The following IPO11 variants were observed in gnomAD, a reference collection of about 807,000 sequenced individuals.
The protein encoded by IPO11 is importin-11.
A neutral mutation model predicts 143.2 loss-of-function variants in IPO11; 66 were observed. The observed-to-expected ratio is 0.46, with a 90% CI of 0.38 to 0.57. The LOEUF (loss-of-function observed/expected upper bound fraction) is 0.57, where lower values mean the gene tolerates loss of function less well. IPO11 is among the 20% of genes least tolerant of loss of function. IPO11 has a pLI of 0.00. For synonymous variants in IPO11, 385 were observed against 377.8 expected (o/e 1.02, Z -0.22); for missense variants, 1,026 against 1,141.0 (o/e 0.90, Z 1.45).
chr5:62,574,716 G>A (rs141226615), intron 27 of IPO11, among the ~76,000 whole-genome samples: 1 of 152,158 alleles, frequency 6.6e-6, no homozygotes, highest in Non-Finnish European at 1.5e-5. Flanking sequence ...TCGCAATGAG[G>A]ATGGTACCTA....
rs573971615 is a variant in IPO11, at chr5:62,461,573, C to A, written c.517-5558C>A. On this transcript the variant is annotated intron_variant, in intron 5 of 29. Coordinates refer to ENST00000325324, the MANE Select transcript of IPO11 (RefSeq NM_016338.5). ...TTCATTCCAGCCATTTGTGTAGAGA[C>A]CTTTCGTAGGCTAGCTAGAGAGTCT... 3.3e-5 allele frequency among the ~76,000 whole-genome samples: 5 copies of A among 152,260 alleles called. 1 individual carries two copies. In the South Asian group the frequency reaches 6.2e-4, roughly 19 times the overall value.
At chr5:62,452,945 G>A (rs1744993726) in intron 5 of IPO11, among the ~76,000 whole-genome samples, 1 of 150,208 alleles carries the variant, frequency 6.7e-6, no homozygotes, top group African/African-American at 2.5e-5. Flanking sequence ...TAGAGATGAA[G>A]TCTCACTATG....
Position 62,593,796 on chromosome 5 carries a change from TA to T in IPO11, c.2678+2127del, listed in dbSNP as rs550083043. Among the ~76,000 whole-genome samples, 13 of 152,312 alleles carry T rather than the reference TA, an allele frequency of 8.5e-5. No individual in the cohort carries two copies. The East Asian group carries it at 2.1e-3, about 25-fold the overall frequency. ...TGCATATAGAAACACAGTTGAGAAATAAATTACCAAGAGATACACTTTTCTG... is the reference window on the plus strand; with the variant it reads ...TGCATATAGAAACACAGTTGAGAAATAATTACCAAGAGATACACTTTTCTG... On this transcript the variant is annotated intron_variant, in intron 28 of 29. Coordinates refer to ENST00000325324, the MANE Select transcript of IPO11 (RefSeq NM_016338.5).
At chr5:62,449,498 A>G (rs1179317408) in intron 3 of IPO11, among the ~76,000 whole-genome samples, 1 of 151,918 alleles carries the variant, frequency 6.6e-6, no homozygotes, top group African/African-American at 2.4e-5. Context: ...TTACTTGTAT[A>G]GATTTTTTTT....
At chr5:62,589,562 T>C (rs1744934965) in intron 27 of IPO11, among the ~76,000 whole-genome samples, 1 of 152,206 alleles carries the variant, frequency 6.6e-6, no homozygotes, top group South Asian at 2.1e-4. Flanking sequence ...AACCTACCCC[T>C]TTCTCTTTAT....
chr5:62,508,632 T>C (rs924401779), intron 19 of IPO11, among the ~76,000 whole-genome samples: 2 of 147,828 alleles, frequency 1.4e-5, no homozygotes, highest in Admixed American at 1.3e-4. Context: ...CTCTCTCTCT[T>C]TCTTTCTTTC....
In IPO11 at chr5:62,564,441, T is replaced by C. The variant is rs2112371903; in HGVS notation, c.2582+3184T>C. On this transcript the variant is annotated intron_variant, in intron 27 of 29. Transcript: ENST00000325324. Reference sequence around the variant, plus strand: ...TAGTAATTTCCTATTCTTGCGTTTCTTTTAGATTTTACAGCATACCATTTC... The same window carrying C: ...TAGTAATTTCCTATTCTTGCGTTTCCTTTAGATTTTACAGCATACCATTTC... Among the ~76,000 whole-genome samples, 3 of 152,356 alleles carry C rather than the reference T, an allele frequency of 2.0e-5. No homozygotes were observed. In the Middle Eastern group the frequency reaches 0.01, roughly 518 times the overall value.
intron 28 of IPO11, among the ~76,000 whole-genome samples, chr5:62,594,536 G>A (rs145169107): frequency 1.1e-4 from 17 of 152,298 alleles, no homozygotes; most frequent in African/African-American, 4.1e-4. Flanking sequence ...ACCCACATGG[G>A]GAGGGCAAAC....
intron 27 of IPO11, chr5:62,576,232 A>G (rs1311896713): frequency 1.3e-5 from 2 of 159,066 alleles, no homozygotes; most frequent in African/African-American, 4.8e-5. Context: ...GACCCTGCTT[A>G]TAGCGCAAAA....
intron 28 of IPO11, among the ~76,000 whole-genome samples, chr5:62,595,717 G>A (rs915614789): frequency 6.6e-6 from 1 of 152,060 alleles, no homozygotes; most frequent in South Asian, 2.1e-4. Context: ...TGAAGAATGT[G>A]TTTATTTGTT....
intron 12 of IPO11, among the ~76,000 whole-genome samples, chr5:62,486,891 C>T (rs1036881069): frequency 6.6e-6 from 1 of 152,090 alleles, no homozygotes; most frequent in African/African-American, 2.4e-5. Flanking sequence ...TCTGAGATGA[C>T]ACATCCTCTG....
chr5:62,569,539 G>C (rs1006334839), intron 27 of IPO11, among the ~76,000 whole-genome samples: 2 of 152,180 alleles, frequency 1.3e-5, no homozygotes, highest in African/African-American at 4.8e-5. Context: ...AATACAGCCT[G>C]AGCTGATTTC....
rs368890256 is a variant in IPO11 at position 62,540,005 on chromosome 5, AT to A, written c.2250+2723del. 3.1e-3 allele frequency among the ~76,000 whole-genome samples: 474 copies of A among 152,222 alleles called. 1 individual carries two copies. Among genetic ancestry groups the A allele is most frequent in the African/African-American group, 0.011 (452 of 41,530 alleles). ...CATTTTGATATTATTGTCTTTACAG[AT>A]TTTTTTCTGTATGTATGCCTGTTTT... is the stretch of plus-strand genomic sequence containing the variant. On this transcript the variant is annotated intron_variant, in intron 24 of 29. Coordinates refer to ENST00000325324, the MANE Select transcript of IPO11 (RefSeq NM_016338.5).
chr5:62,437,237 T>C (rs778484786), intron 1 of IPO11, 37 bp from the exon 2 acceptor site: 16 of 1,501,450 alleles, frequency 1.1e-5, no homozygotes, highest in Non-Finnish European at 1.4e-5. Flanking sequence ...TTATTACTTG[T>C]AATACATATT....
intron 26 of IPO11, among the ~76,000 whole-genome samples, chr5:62,554,357 A>G (rs1026142343): frequency 1.3e-5 from 2 of 152,106 alleles, no homozygotes; most frequent in Non-Finnish European, 2.9e-5. Flanking sequence ...TTCCCTGACC[A>G]GAGTCCTGGA....
chr5:62,546,083 C>T (rs1743164729), intron 24 of IPO11, among the ~76,000 whole-genome samples: 1 of 152,170 alleles, frequency 6.6e-6, no homozygotes, highest in African/African-American at 2.4e-5. Context: ...TTTGGCCCAG[C>T]CGTCCCATTA....
intron 16 of IPO11, among the ~76,000 whole-genome samples, chr5:62,501,249 G>T (rs1741338530): frequency 6.6e-6 from 1 of 150,836 alleles, no homozygotes; most frequent in African/African-American, 2.4e-5. Context: ...CCTATCCTTT[G>T]TATCTCAAAA....
At chr5:62,426,113 G>A (rs559011650) in intron 1 of IPO11, among the ~76,000 whole-genome samples, 68 of 152,244 alleles carry the variant, frequency 4.5e-4, no homozygotes, top group African/African-American at 1.5e-3. Flanking sequence ...CCGGCTGGTC[G>A]TGGTGGCTCA....
chr5:62,515,394 C>A lies in IPO11; in HGVS notation c.1789C>A (p.Pro597Thr), dbSNP rs778406842. ...TCTACTTATATTGTAATAGATACGA[C>A]CATATGTGGGATGTTTGGTACAATA... Reference protein sequence around the residue: ...VIERVNMQIRPYVGCLVQYLP... With the variant: ...VIERVNMQIRTYVGCLVQYLP... The change falls in exon 20 of 30, where the codon CCA (proline) becomes ACA (threonine). Residue 597 changes from proline to threonine, a missense_variant. Pro to Thr is a conservative substitution (Grantham distance 38). Transcript: ENST00000325324. 6.2e-7 allele frequency: 1 copy of A among 1,602,958 alleles called. No homozygotes were observed. Among genetic ancestry groups the A allele is most frequent in the Non-Finnish European group, 8.5e-7 (1 of 1,175,924 alleles).
Sources: gnomAD v4.1 joint callset for allele counts (sites outside exome capture counted in the v4.1 genomes callset) on GRCh38, gnomAD v4.1.1 for gene constraint, MANE v1.5 for transcripts, NCBI Gene and HGNC (gene_info 2026-07-23, HGNC 2026-07-21) for gene names.